Variants in DENND1B observed in about 807,000 individuals in gnomAD.
The protein encoded by DENND1B is DENN domain-containing protein 1B.
In DENND1B, 59 loss-of-function variants were observed where a neutral mutation model predicts 90.1. The observed-to-expected ratio is 0.65, with a 90% CI of 0.53 to 0.81. The LOEUF (loss-of-function observed/expected upper bound fraction) is 0.81. DENND1B is among the 40% of genes least tolerant of loss of function. The pLI, the probability that DENND1B is intolerant of heterozygous loss-of-function variation, is 0.00. For missense variants in DENND1B, 862 were observed against 912.6 expected, an observed-to-expected ratio of 0.94 and a Z score of 0.71; for synonymous variants, 337 against 324.6, an observed-to-expected ratio of 1.04 and a Z score of -0.41.
chr1:197,519,251 AT>A (rs1406801862), intron 20 of DENND1B, among the ~76,000 whole-genome samples: 1 of 151,886 alleles, frequency 6.6e-6, no homozygotes, highest in Non-Finnish European at 1.5e-5. Flanking sequence ...TTATTGTAAA[AT>A]TATTCTTTAG....
chr1:197,552,460 T>C (rs1200321361), intron 16 of DENND1B: 1 of 985,262 alleles, frequency 1.0e-6, no homozygotes, highest in African/African-American at 1.7e-5. Context: ...ATAACAGTAT[T>C]TGAACATTTA....
intron 4 of DENND1B, 147 bp from the exon 5 acceptor site, chr1:197,672,303 G>A: frequency 1.0e-6 from 1 of 972,690 alleles, no homozygotes; most frequent in Non-Finnish European, 1.5e-6. Context: ...TCTAAAACTA[G>A]AGGAAGTGTG....
rs145647309 is a variant in DENND1B at position 197,531,284 on chromosome 1, G to A, written c.1515+8680C>T. On this transcript the variant is annotated intron_variant, in intron 20 of 22. Transcript: ENST00000620048. ...TTCAACTGTATAAAAATTGAAGTTT[G>A]AAAAATAGTAGTAGGAACATGAAAA... Among the ~76,000 whole-genome samples, 192 of 152,158 alleles carry A rather than the reference G, an allele frequency of 1.3e-3. No homozygotes were observed. In the East Asian group the frequency reaches 0.036, roughly 29 times the overall value.
chr1:197,525,511 G>T (rs1669077430), intron 20 of DENND1B, among the ~76,000 whole-genome samples: 1 of 152,016 alleles, frequency 6.6e-6, no homozygotes, highest in Non-Finnish European at 1.5e-5. Flanking sequence ...TGTATTATCA[G>T]TAAGACACAG....
At chr1:197,558,871 AAATT>A (rs1671929134) in intron 15 of DENND1B, among the ~76,000 whole-genome samples, 1 of 151,856 alleles carries the variant, frequency 6.6e-6, no homozygotes, top group South Asian at 2.1e-4. Flanking sequence ...TGTTAAATGA[AAATT>A]AACATTCACT....
chr1:197,698,924 C>T (rs1395540158), intron 3 of DENND1B, among the ~76,000 whole-genome samples: 2 of 152,008 alleles, frequency 1.3e-5, no homozygotes, highest in Non-Finnish European at 2.9e-5. Flanking sequence ...AATTAATAGC[C>T]TACCAACCAA....
At chr1:197,624,752 G>T (rs1244332937) in intron 10 of DENND1B, among the ~76,000 whole-genome samples, 2 of 151,828 alleles carry the variant, frequency 1.3e-5, no homozygotes, top group African/African-American at 4.8e-5. Context: ...CAAAGGCAAA[G>T]AAGTTAAAAA....
chr1:197,778,553 T>C (rs908924136), upstream of DENND1B, among the ~76,000 whole-genome samples: 2 of 152,006 alleles, frequency 1.3e-5, no homozygotes, highest in Non-Finnish European at 2.9e-5. Context: ...GGTGCAAGCC[T>C]GTAGTCCCAG....
At chr1:197,572,564 C>T (rs1558256545) in intron 15 of DENND1B, among the ~76,000 whole-genome samples, 2 of 152,220 alleles carry the variant, frequency 1.3e-5, no homozygotes, top group Non-Finnish European at 2.9e-5. Context: ...AGCAGTGGTT[C>T]TCCCAGCATG....
intron 10 of DENND1B, among the ~76,000 whole-genome samples, chr1:197,635,892 A>G (rs918989723): frequency 6.6e-6 from 1 of 152,108 alleles, no homozygotes; most frequent in Non-Finnish European, 1.5e-5. Flanking sequence ...TCACTCAGAA[A>G]ATTATTGTTA....
At chr1:197,714,599 G>C (rs971462846) in intron 3 of DENND1B, among the ~76,000 whole-genome samples, 2 of 152,084 alleles carry the variant, frequency 1.3e-5, no homozygotes, top group Non-Finnish European at 2.9e-5. Context: ...ATATGTAAAT[G>C]ACTCAGATAC....
intron 15 of DENND1B, among the ~76,000 whole-genome samples, chr1:197,581,564 G>A (rs1372444937): frequency 6.6e-6 from 1 of 152,096 alleles, no homozygotes; most frequent in Non-Finnish European, 1.5e-5. Flanking sequence ...TGTGAGGTAG[G>A]TGGTAATATT....
chr1:197,701,032 G>A (rs1181889093), intron 3 of DENND1B, among the ~76,000 whole-genome samples: 1 of 152,122 alleles, frequency 6.6e-6, no homozygotes, highest in Admixed American at 6.6e-5. Context: ...ATTCCTCAAG[G>A]ATCTAGAACC....
intron 20 of DENND1B, among the ~76,000 whole-genome samples, chr1:197,534,926 G>C (rs2125641372): frequency 6.6e-6 from 1 of 152,220 alleles, no homozygotes; most frequent in East Asian, 1.9e-4. Context: ...CGTGGCTCTA[G>C]CATCAGCTTT....
At chr1:197,569,093 T>C (rs1558252207) in intron 15 of DENND1B, among the ~76,000 whole-genome samples, 3 of 151,798 alleles carry the variant, frequency 2.0e-5, no homozygotes, top group Admixed American at 6.6e-5. Context: ...AGAAAATAAA[T>C]AACCCAATTA....
intron 11 of DENND1B, among the ~76,000 whole-genome samples, chr1:197,617,259 C>A (rs1677734666): frequency 6.6e-6 from 1 of 151,026 alleles, no homozygotes; most frequent in Non-Finnish European, 1.5e-5. Flanking sequence ...GTAAAGGTAA[C>A]AAGAGTATGC....
chr1:197,724,850 ATATCTTATAAAACTG>A (rs1235633175), intron 2 of DENND1B, among the ~76,000 whole-genome samples: 4 of 152,148 alleles, frequency 2.6e-5, no homozygotes, highest in African/African-American at 9.6e-5. Flanking sequence ...ATAGAACAGC[ATATCTTATAAAACTG>A]AAGACAGAAA....
chr1:197,545,130 C>T (rs190889457), intron 18 of DENND1B, among the ~76,000 whole-genome samples: 1 of 151,592 alleles, frequency 6.6e-6, no homozygotes, highest in Non-Finnish European at 1.5e-5. Context: ...TGGGGCTGGG[C>T]GCAGTGGCTC....
At chr1:197,668,287 G>A (rs750608461) in intron 5 of DENND1B, among the ~76,000 whole-genome samples, 4 of 151,466 alleles carry the variant, frequency 2.6e-5, no homozygotes, top group Non-Finnish European at 5.9e-5. Flanking sequence ...AGTCTATTAA[G>A]AATTATGTGC....
Sources: gnomAD v4.1 joint callset for allele counts (sites outside exome capture counted in the v4.1 genomes callset) on GRCh38, gnomAD v4.1.1 for gene constraint, MANE v1.5 for transcripts, NCBI Gene and HGNC (gene_info 2026-07-23, HGNC 2026-07-21) for gene names.